Variants in VPS8 observed in about 807,000 individuals in gnomAD.
VPS8 encodes the protein VPS8 subunit of CORVET complex.
In VPS8, 129 loss-of-function variants were observed where a neutral mutation model predicts 216.4. The observed-to-expected ratio is 0.60, with a 90% confidence interval of 0.52 to 0.69. The LOEUF is 0.69. Among genes scored for constraint, VPS8 ranks in the 30% least tolerant of loss-of-function variants. The pLI, the probability that VPS8 is intolerant of heterozygous loss-of-function variation, is 0.00. For synonymous variants in VPS8, 571 were observed against 565.4 expected (o/e 1.01, Z -0.14); for missense variants, 1,531 against 1,683.5 (o/e 0.91, Z 1.59).
At chr3:184,936,090 A>G (rs1017597094) in intron 34 of VPS8, among the ~76,000 whole-genome samples, 156 bp from the exon 35 acceptor site, 23 of 152,156 alleles carry the variant, frequency 1.5e-4, no homozygotes, top group African/African-American at 5.6e-4. Context: ...GCTCATTTGC[A>G]AAGTGCGCTT....
chr3:184,988,133 C>A (rs1751388851), intron 42 of VPS8, among the ~76,000 whole-genome samples: 5 of 152,324 alleles, frequency 3.3e-5, no homozygotes, highest in Middle Eastern at 3.4e-3. Flanking sequence ...ATTCTCTTAA[C>A]AGTGTGTTTC....
chr3:184,927,407 T>C (rs1409142790), intron 31 of VPS8, among the ~76,000 whole-genome samples: 2 of 152,176 alleles, frequency 1.3e-5, no homozygotes, highest in African/African-American at 2.4e-5. Flanking sequence ...CGCACAGCTA[T>C]GGCCCAGTGA....
chr3:184,994,609 C>G (rs796933852), intron 43 of VPS8, among the ~76,000 whole-genome samples: 6 of 152,098 alleles, frequency 3.9e-5, no homozygotes, highest in African/African-American at 1.4e-4. Context: ...AAACAAATAT[C>G]TTTTTTCAAA....
intron 8 of VPS8, 31 bp downstream of exon 8, chr3:184,843,276 G>T: frequency 1.5e-6 from 2 of 1,376,226 alleles, no homozygotes; most frequent in South Asian, 1.6e-5. Flanking sequence ...TTGCATGAAT[G>T]GTTTCTTTTG....
intron 15 of VPS8, among the ~76,000 whole-genome samples, chr3:184,861,160 A>G (rs1726307005): frequency 6.6e-6 from 1 of 152,102 alleles, no homozygotes. Flanking sequence ...TTTGTATCAA[A>G]TTTTATTTTT....
At chr3:185,034,609 T>TCTG (rs371031334) in intron 46 of VPS8, among the ~76,000 whole-genome samples, 11 of 145,442 alleles carry the variant, frequency 7.6e-5, no homozygotes, top group Non-Finnish European at 1.5e-4. Flanking sequence ...CGTTGATAGT[T>TCTG]TTGTTGTTGT....
intron 36 of VPS8, among the ~76,000 whole-genome samples, chr3:184,953,758 C>T (rs1258390471): frequency 6.6e-6 from 1 of 152,182 alleles, no homozygotes; most frequent in African/African-American, 2.4e-5. Flanking sequence ...TGCTCATTTA[C>T]TTCTAAAGAC....
At chr3:184,914,281 C>T (rs1319420761) in intron 26 of VPS8, among the ~76,000 whole-genome samples, 6 of 152,186 alleles carry the variant, frequency 3.9e-5, no homozygotes, top group Non-Finnish European at 8.8e-5. Context: ...GTACCTTAAA[C>T]TCTTCAGGAT....
At chr3:184,935,692 A>G (rs1456638684) in intron 34 of VPS8, among the ~76,000 whole-genome samples, 3 of 152,208 alleles carry the variant, frequency 2.0e-5, no homozygotes, top group Non-Finnish European at 2.9e-5. Flanking sequence ...GTCAAATTAA[A>G]AGTCTTATAT....
At chr3:184,955,583 G>A (rs1274233182) in intron 36 of VPS8, among the ~76,000 whole-genome samples, 2 of 151,812 alleles carry the variant, frequency 1.3e-5, no homozygotes, top group East Asian at 3.9e-4. Context: ...TGGTTCCCCG[G>A]GCCCAGCTAT....
At chr3:184,874,398 A>G (rs986904084) in intron 21 of VPS8, among the ~76,000 whole-genome samples, 5 of 152,238 alleles carry the variant, frequency 3.3e-5, no homozygotes, top group African/African-American at 1.2e-4. Context: ...ACTCTTTCAT[A>G]CCCAAGTTTT....
chr3:185,033,640 G>C (rs1427156315), intron 46 of VPS8, among the ~76,000 whole-genome samples: 5 of 152,178 alleles, frequency 3.3e-5, no homozygotes, highest in Non-Finnish European at 5.9e-5. Flanking sequence ...TAAATACCTA[G>C]GACCATGATT....
chr3:184,867,052 TG>T, intron 17 of VPS8, 102 bp downstream of exon 17: 1 of 1,039,158 alleles, frequency 9.6e-7, no homozygotes, highest in South Asian at 1.6e-5. Context: ...AAGTGAATAT[TG>T]GTCAGCAATT....
At chr3:184,832,967 C>A in intron 4 of VPS8, 148 bp downstream of exon 4, 1 of 973,288 alleles carries the variant, frequency 1.0e-6, no homozygotes, top group South Asian at 1.8e-5. Context: ...ATTTTGGTAC[C>A]ATTAAGGAAG....
chr3:184,886,516 C>G (rs1294254403), intron 22 of VPS8, among the ~76,000 whole-genome samples: 1 of 150,052 alleles, frequency 6.7e-6, no homozygotes, highest in Non-Finnish European at 1.5e-5. Flanking sequence ...TATACACACA[C>G]ACATACACAT....
chr3:184,959,621 T>A (rs1746161434), intron 37 of VPS8, among the ~76,000 whole-genome samples: 2 of 152,046 alleles, frequency 1.3e-5, no homozygotes, highest in African/African-American at 4.8e-5. Flanking sequence ...TCATAAAAAA[T>A]TTTTTCAGTC....
chr3:184,903,115 C>T (rs182680672), intron 25 of VPS8, among the ~76,000 whole-genome samples: 37 of 152,260 alleles, frequency 2.4e-4, no homozygotes, highest in Non-Finnish European at 4.3e-4. Flanking sequence ...GGATGTGTTT[C>T]TGTGCTCTCT....
chr3:185,004,906 T>A (rs199570861), intron 45 of VPS8, among the ~76,000 whole-genome samples: 4 of 150,926 alleles, frequency 2.7e-5, no homozygotes, highest in Admixed American at 6.6e-5. Context: ...TTGTTTTGTT[T>A]TTTATTTATT....
chr3:184,842,380 A>C (rs1233438325), intron 7 of VPS8, among the ~76,000 whole-genome samples: 17 of 149,596 alleles, frequency 1.1e-4, no homozygotes, highest in Admixed American at 2.0e-4. Flanking sequence ...AGACCCCAGT[A>C]GCTTTCTTGT....
Sources: allele counts gnomAD v4.1 joint callset (sites outside exome capture counted in the v4.1 genomes callset), GRCh38; gene constraint gnomAD v4.1.1; transcripts MANE v1.5; gene names NCBI Gene and HGNC (gene_info 2026-07-23, HGNC 2026-07-21).